B3GALT1: variants seen among roughly 807,000 people sequenced by gnomAD.
B3GALT1 encodes the protein beta-1,3-galactosyltransferase 1, also known as UDP-Gal:betaGlcNAc beta 1,3-galactosyltransferase, polypeptide 1.
In B3GALT1, 10 loss-of-function variants were observed where a neutral mutation model predicts 23.2. The ratio of observed to expected loss-of-function variants is 0.43; its 90% CI spans 0.27 to 0.73. B3GALT1 has a LOEUF of 0.73. Ranked by LOEUF, B3GALT1 falls within the 30% of genes least tolerant of loss-of-function variation. The probability of loss-of-function intolerance (pLI) is 0.21; values close to 1 mark genes in which losing one functional copy is unlikely to be tolerated. For missense variants in B3GALT1, 299 were observed against 405.4 expected (o/e 0.74, Z 2.25); for synonymous variants, 156 against 141.5 (o/e 1.10, Z -0.73).
At chr2:167,715,843 C>G in intron 3 of B3GALT1, 6 of 1,613,898 alleles carry the variant, frequency 3.7e-6, no homozygotes, top group African/African-American at 1.3e-5. Flanking sequence ...GTTTTTTTCT[C>G]TCTTCCCACA....
intron 1 of B3GALT1, among the ~76,000 whole-genome samples, chr2:167,294,616 T>C (rs1195440259): frequency 6.6e-6 from 1 of 152,214 alleles, no homozygotes; most frequent in Non-Finnish European, 1.5e-5. Flanking sequence ...AGGAAAGTTC[T>C]TGAAATACCT....
chr2:167,523,611 G>A (rs1236667607), intron 2 of B3GALT1, among the ~76,000 whole-genome samples: 2 of 152,020 alleles, frequency 1.3e-5, no homozygotes, highest in Non-Finnish European at 2.9e-5. Context: ...TTTTAGTAAA[G>A]ACGGGGTTTC....
Position 167,350,478 on chromosome 2 carries a change from G to T in B3GALT1, c.-511+57144G>T, listed in dbSNP as rs2617366. Among the ~76,000 whole-genome samples the T allele has an allele frequency of 1.1e-3, 163 of 152,340 alleles. 3 individuals are homozygous for T. The South Asian group carries it at 0.02, about 18-fold the overall frequency. On this transcript the variant is annotated intron_variant, in intron 1 of 4. Transcript: ENST00000392690. ...CACAGGCTGACGACACCTCCCCTGT[G>T]TTCCCAAGAAGATCCTTGTGCTCAG...
chr2:167,699,405 T>TTTTTA (rs1686842390), intron 3 of B3GALT1, among the ~76,000 whole-genome samples: 1 of 117,426 alleles, frequency 8.5e-6, no homozygotes. Context: ...TTTTTTTTTT[T>TTTTTA]GAAGAAAACC....
intron 1 of B3GALT1, among the ~76,000 whole-genome samples, chr2:167,451,731 G>A (rs1372294969): frequency 2.0e-5 from 3 of 152,196 alleles, no homozygotes. Flanking sequence ...GGAGGATCAG[G>A]CAGTGGGCAG....
intron 4 of B3GALT1, among the ~76,000 whole-genome samples, chr2:167,832,082 T>C (rs1263679921): frequency 3.9e-5 from 6 of 152,166 alleles, no homozygotes; most frequent in Admixed American, 3.3e-4. Context: ...GGCAGCAGCA[T>C]GGCACCATGG....
intron 1 of B3GALT1, among the ~76,000 whole-genome samples, chr2:167,410,794 T>A (rs141989251): frequency 6.6e-6 from 1 of 152,062 alleles, no homozygotes; most frequent in African/African-American, 2.4e-5. Flanking sequence ...ACTATGAGGC[T>A]TTTTGGCAAA....
intron 1 of B3GALT1, among the ~76,000 whole-genome samples, chr2:167,351,234 A>C (rs749726982): frequency 6.0e-5 from 9 of 149,418 alleles, no homozygotes; most frequent in Non-Finnish European, 1.5e-5. Context: ...GCATCACTGC[A>C]CTCCAGCCTG....
chr2:167,349,950 C>T (rs1559072103), intron 1 of B3GALT1, among the ~76,000 whole-genome samples: 1 of 151,950 alleles, frequency 6.6e-6, no homozygotes, highest in Non-Finnish European at 1.5e-5. Context: ...TCAATATATA[C>T]AATAAACGGA....
chr2:167,556,236 CAG>C (rs1683847485), intron 2 of B3GALT1, among the ~76,000 whole-genome samples: 2 of 151,978 alleles, frequency 1.3e-5, no homozygotes, highest in African/African-American at 4.8e-5. Context: ...TTCACATACT[CAG>C]AGGTTGAATT....
chr2:167,380,039 G>A (rs1463873154), intron 1 of B3GALT1, among the ~76,000 whole-genome samples: 1 of 152,152 alleles, frequency 6.6e-6, no homozygotes, highest in African/African-American at 2.4e-5. Flanking sequence ...CTGCCTGGGG[G>A]TAAAGTAAAG....
chr2:167,315,890 A>G (rs1041995231), intron 1 of B3GALT1, among the ~76,000 whole-genome samples: 2 of 152,214 alleles, frequency 1.3e-5, no homozygotes, highest in African/African-American at 2.4e-5. Flanking sequence ...CCATTATATT[A>G]TATTTCAAAG....
At chr2:167,404,656 G>A (rs1204014767) in intron 1 of B3GALT1, among the ~76,000 whole-genome samples, 1 of 152,052 alleles carries the variant, frequency 6.6e-6, no homozygotes, top group Non-Finnish European at 1.5e-5. Flanking sequence ...ATGTAAGATG[G>A]CACAGTCATT....
At chr2:167,845,497 C>T (rs1315461085) in intron 4 of B3GALT1, among the ~76,000 whole-genome samples, 1 of 152,106 alleles carries the variant, frequency 6.6e-6, no homozygotes, top group African/African-American at 2.4e-5. Context: ...AGAAGAGAGA[C>T]AATATTCACT....
chr2:167,666,798 G>T (rs964125422), intron 3 of B3GALT1, among the ~76,000 whole-genome samples: 2 of 151,988 alleles, frequency 1.3e-5, no homozygotes, highest in African/African-American at 2.4e-5. Context: ...CTTTCCATTT[G>T]CTTGGTAGAT....
At chr2:167,832,753 T>TAACA (rs1293150009) in intron 4 of B3GALT1, among the ~76,000 whole-genome samples, 2 of 152,254 alleles carry the variant, frequency 1.3e-5, no homozygotes, top group Non-Finnish European at 2.9e-5. Context: ...AGTGCTTTCC[T>TAACA]AACAAACATG....
At chr2:167,339,408 AGT>A (rs906483326) in intron 1 of B3GALT1, among the ~76,000 whole-genome samples, 3 of 149,438 alleles carry the variant, frequency 2.0e-5, no homozygotes, top group African/African-American at 7.4e-5. Context: ...TGTGGGGGTG[AGT>A]GTGGATGTGG....
At chr2:167,489,178 C>T (rs1699668199) in intron 1 of B3GALT1, among the ~76,000 whole-genome samples, 4 of 152,096 alleles carry the variant, frequency 2.6e-5, no homozygotes. Context: ...AAGAGGGGCA[C>T]ATTTTAGAGC....
At chr2:167,716,032 A>C in intron 3 of B3GALT1, 2 of 1,607,608 alleles carry the variant, frequency 1.2e-6, no homozygotes, top group Non-Finnish European at 8.5e-7. Flanking sequence ...ACCAGCCCCA[A>C]GTAGGGCCGA....
Sources: allele counts gnomAD v4.1 joint callset (sites outside exome capture counted in the v4.1 genomes callset), GRCh38; gene constraint gnomAD v4.1.1; transcripts MANE v1.5; gene names NCBI Gene and HGNC (gene_info 2026-07-23, HGNC 2026-07-21).